Variants in PON1 observed in about 807,000 individuals in gnomAD.
PON1 encodes paraoxonase 1.
PON1 carries 37 observed loss-of-function variants against 39.2 expected under a neutral mutation model. That is an observed-to-expected ratio of 0.94 (90% CI 0.73 to 1.24). The LOEUF is 1.24. PON1 is among the 50% of genes most tolerant of loss of function. The pLI is 0.00. For missense variants in PON1, 397 were observed against 413.5 expected, an observed-to-expected ratio of 0.96 and a Z score of 0.35; for synonymous variants, 148 against 152.2, an observed-to-expected ratio of 0.97 and a Z score of 0.21.
intron 1 of PON1, among the ~76,000 whole-genome samples, chr7:95,318,742 T>C (rs1485444852): frequency 1.3e-5 from 2 of 152,328 alleles, no homozygotes; most frequent in African/African-American, 4.8e-5. Flanking sequence ...GTTTATTCCA[T>C]TGATGTTTTA....
intron 1 of PON1, among the ~76,000 whole-genome samples, chr7:95,319,201 T>G (rs1270454280): frequency 6.9e-6 from 1 of 145,662 alleles, no homozygotes; most frequent in Non-Finnish European, 1.5e-5. Flanking sequence ...TATCCAAATA[T>G]CCCTAGAAAT....
At chr7:95,316,593 A>G (rs1362482403) in intron 3 of PON1, 141 bp downstream of exon 3, 4 of 791,888 alleles carry the variant, frequency 5.1e-6, no homozygotes, top group Non-Finnish European at 9.2e-6. Flanking sequence ...GTGTAAATGC[A>G]TACACAATTT....
intron 1 of PON1, among the ~76,000 whole-genome samples, chr7:95,321,393 G>A (rs767758751): frequency 3.3e-5 from 5 of 152,142 alleles, no homozygotes; most frequent in East Asian, 1.9e-4. Flanking sequence ...AATCCGTATC[G>A]ATTCTCAAAC....
intron 3 of PON1, among the ~76,000 whole-genome samples, chr7:95,316,492 T>A (rs1275609402): frequency 6.6e-6 from 1 of 152,158 alleles, no homozygotes; most frequent in East Asian, 1.9e-4. Flanking sequence ...CACAAAAAAA[T>A]TGCTGCAATA....
At chr7:95,318,230 T>A in intron 2 of PON1, 93 bp downstream of exon 2, 1 of 1,081,040 alleles carries the variant, frequency 9.3e-7, no homozygotes, top group South Asian at 1.3e-5. Flanking sequence ...AAAATTTTAT[T>A]TTTGGACAGA....
At chr7:95,305,410 C>T (rs979283725) in intron 7 of PON1, among the ~76,000 whole-genome samples, 4 of 152,060 alleles carry the variant, frequency 2.6e-5, no homozygotes, top group Non-Finnish European at 4.4e-5. Context: ...CCAGCCCCAC[C>T]GCAGTAATTT....
intron 8 of PON1, among the ~76,000 whole-genome samples, chr7:95,299,433 T>C (rs1360668799): frequency 2.6e-5 from 4 of 152,126 alleles, no homozygotes; most frequent in African/African-American, 4.8e-5. Flanking sequence ...CTCAGTATGA[T>C]AGTTAATACT....
chr7:95,321,244 T>C (rs982339523), intron 1 of PON1, among the ~76,000 whole-genome samples: 25 of 152,166 alleles, frequency 1.6e-4, no homozygotes, highest in African/African-American at 5.6e-4. Flanking sequence ...ACACCTCCCA[T>C]TGGGCCCCAC....
intron 4 of PON1, among the ~76,000 whole-genome samples, chr7:95,314,793 G>A (rs770087730): frequency 3.3e-5 from 5 of 152,122 alleles, no homozygotes; most frequent in African/African-American, 9.7e-5. Context: ...GAGAAAGGGA[G>A]TAAAGACATA....
intron 1 of PON1, among the ~76,000 whole-genome samples, chr7:95,324,092 G>A (rs1160418643): frequency 1.3e-5 from 2 of 152,180 alleles, no homozygotes; most frequent in African/African-American, 4.8e-5. Flanking sequence ...TTCTTTCCAG[G>A]TTGAGAAGTG....
At chr7:95,307,364 C>T (rs1371630155) in intron 6 of PON1, among the ~76,000 whole-genome samples, 1 of 152,134 alleles carries the variant, frequency 6.6e-6, no homozygotes, top group East Asian at 1.9e-4. Context: ...CTGTTGCTTT[C>T]TCTAAGCATA....
chr7:95,309,061 C>T (rs556019698), intron 5 of PON1, among the ~76,000 whole-genome samples: 14 of 152,226 alleles, frequency 9.2e-5, no homozygotes, highest in Non-Finnish European at 1.2e-4. Flanking sequence ...TCATGGCCAG[C>T]GCATCAGCTC....
rs3917577 is a variant in PON1 at position 95,298,396 on chromosome 7, T to C, written c.*548A>G. 0.11 allele frequency: 18,036 copies of C among 165,540 alleles called. 1,376 individuals carry two copies. Among genetic ancestry groups the C allele is most frequent in the East Asian group, 0.42 (2,680 of 6,454 alleles). 10.3% of individuals were successfully genotyped at this position (165,540 alleles called of 1,614,324 possible). ...GTTAATATTTACTGAGAAAAAGTCA[T>C]ATATCGAAGGGAAAATGGGAGTAAG... is the stretch of plus-strand genomic sequence containing the variant. On this transcript the variant is annotated 3_prime_UTR_variant, in exon 9 of 9. Transcript: ENST00000222381.
intron 5 of PON1, among the ~76,000 whole-genome samples, chr7:95,309,844 T>C (rs1807617437): frequency 6.6e-6 from 1 of 152,110 alleles, no homozygotes; most frequent in African/African-American, 2.4e-5. Context: ...TATTGGAATA[T>C]TAATGTTATA....
rs751292776 is a variant in PON1, at chr7:95,311,476, T to C, written c.472A>G (p.Thr158Ala). The C allele has an allele frequency of 4.6e-5, 75 of 1,613,888 alleles. No individual in the cohort carries two copies. The Admixed American group carries it at 1.2e-3, about 27-fold the overall frequency. The stretch of plus-strand genomic sequence containing the variant: ...TTAGGCAGAAGTTTATGTCTGATGG[T>C]TTTTAGATGCAAAAGCGATTTTTCT... ...EEEKSLLHLK[T>A]IRHKLLPNLN... Residue 158 changes from threonine (T) to alanine (A), a missense_variant, in exon 5 of 9, where the codon ACC becomes GCC. Physicochemically the swap from Thr to Ala is moderately conservative, Grantham distance 58. Coordinates refer to ENST00000222381, the MANE Select transcript of PON1 (RefSeq NM_000446.7).
At chr7:95,308,946 T>C (rs1345011923) in intron 5 of PON1, among the ~76,000 whole-genome samples, 2 of 152,018 alleles carry the variant, frequency 1.3e-5, no homozygotes, top group Non-Finnish European at 2.9e-5. Flanking sequence ...CTTTAATGGA[T>C]ACAATAGGGA....
chr7:95,321,061 T>G (rs1807886049), intron 1 of PON1, among the ~76,000 whole-genome samples: 3 of 152,166 alleles, frequency 2.0e-5, no homozygotes, highest in African/African-American at 7.2e-5. Context: ...TTGCAGAAGA[T>G]GAAGAGAAGC....
rs564718578 is a variant in PON1, at chr7:95,301,392, C to T, written c.909+813G>A. Reference sequence around the variant, plus strand: ...GACTGGTCCATTGCATGGACCTGTGCGTATACCGCCACACAGGAAGGGGGA... The same window carrying T: ...GACTGGTCCATTGCATGGACCTGTGTGTATACCGCCACACAGGAAGGGGGA... On this transcript the variant is annotated intron_variant, in intron 8 of 8. Transcript: ENST00000222381. Among the ~76,000 whole-genome samples, 42 of 152,118 alleles carry T rather than the reference C, an allele frequency of 2.8e-4. No homozygotes were observed. In the South Asian group the frequency reaches 3.3e-3, roughly 12 times the overall value.
intron 4 of PON1, among the ~76,000 whole-genome samples, chr7:95,314,701 T>C (rs1807727721): frequency 6.6e-6 from 1 of 152,160 alleles, no homozygotes; most frequent in Non-Finnish European, 1.5e-5. Context: ...ATCGAGTCTT[T>C]TTAAACTCTT....
Sources: gnomAD v4.1 joint callset for allele counts (sites outside exome capture counted in the v4.1 genomes callset) on GRCh38, gnomAD v4.1.1 for gene constraint, MANE v1.5 for transcripts, NCBI Gene and HGNC (gene_info 2026-07-23, HGNC 2026-07-21) for gene names.